Variants in TAF9B observed in about 807,000 individuals in gnomAD.
TAF9B encodes the protein transcription initiation factor TFIID subunit 9B.
A neutral mutation model predicts 17.6 loss-of-function variants in TAF9B; 47 were observed. That is an observed-to-expected ratio of 2.68 (90% CI 2.12 to 3.41). The LOEUF (loss-of-function observed/expected upper bound fraction) is 3.41, where lower values mean the gene tolerates loss of function less well. TAF9B is among the 30% of genes most tolerant of loss of function. The probability of loss-of-function intolerance (pLI) is 0.00; values close to 1 mark genes in which losing one functional copy is unlikely to be tolerated. For missense variants in TAF9B, 218 were observed against 189.3 expected (o/e 1.15, Z -0.89); for synonymous variants, 84 against 68.7 (o/e 1.22, Z -1.10).
intron 6 of TAF9B, among the ~76,000 whole-genome samples, chrX:78,132,055 G>A (rs1394239627): frequency 4.5e-5 from 5 of 111,654 alleles, no homozygotes; most frequent in African/African-American, 1.3e-4. Context: ...CCAAGCTGGC[G>A]TGATCTTGGC....
At chrX:78,136,091 C>CT (rs1251916329) in intron 5 of TAF9B, among the ~76,000 whole-genome samples, 2 of 111,081 alleles carry the variant, frequency 1.8e-5, no homozygotes, top group African/African-American at 6.6e-5. Flanking sequence ...TAAATTAATA[C>CT]TGGTGAAAAG....
chrX:78,136,539 A>G (rs1269436523), intron 5 of TAF9B, among the ~76,000 whole-genome samples: 6 of 112,134 alleles, frequency 5.4e-5, no homozygotes, highest in Non-Finnish European at 1.1e-4. Flanking sequence ...TTTCTACTGT[A>G]TTCTCATCAA....
At position 78,129,873 on chromosome X, in the gene TAF9B, G is replaced by C. The variant is rs1383143377; in HGVS notation, c.*1737C>G. ...CCCTCACAACAGCCCTGTGAGGTAG[G>C]CAGGGTAGGTGTTACTTTCCTACTG... On this transcript the variant is annotated 3_prime_UTR_variant, in exon 7 of 7. Transcript: ENST00000341864. 8.9e-6 allele frequency: 1 copy of C among 112,095 alleles called. No homozygotes were observed. The highest frequency in any genetic ancestry group is 1.9e-5 in the Non-Finnish European group (1 of 53,212). The allele number at this position is 112,095 out of a possible 1,213,427, so 9.2% of individuals were successfully genotyped here. A position where few individuals can be genotyped will look rare whatever the true frequency, so the allele number is the denominator to read the frequency against.
Position 78,130,445 on chromosome X carries a change from G to C in TAF9B, c.*1165C>G, listed in dbSNP as rs1557249297. Reference sequence around the variant, plus strand: ...CTATGCAGAGTGCACATAAATGCAAGTTACATCACATTAATTTGTTTTCTT... The same window carrying C: ...CTATGCAGAGTGCACATAAATGCAACTTACATCACATTAATTTGTTTTCTT... On this transcript the variant is annotated 3_prime_UTR_variant, in exon 7 of 7. Transcript: ENST00000341864. 1 of 112,361 alleles carries C rather than the reference G, an allele frequency of 8.9e-6. No homozygotes were observed. Among genetic ancestry groups the C allele is most frequent in the Non-Finnish European group, 1.9e-5 (1 of 53,291 alleles). 9.3% of individuals were successfully genotyped at this position (112,361 alleles called of 1,213,427 possible).
intron 5 of TAF9B, among the ~76,000 whole-genome samples, chrX:78,134,837 T>C (rs181511269): frequency 4.5e-5 from 5 of 111,986 alleles, no homozygotes; most frequent in Admixed American, 9.5e-5. Flanking sequence ...GGATTGTTAA[T>C]ACATTTTAGT....
chrX:78,138,156 T>C, intron 2 of TAF9B, 58 bp from the exon 3 acceptor site: 3 of 1,078,284 alleles, frequency 2.8e-6, no homozygotes, highest in Middle Eastern at 3.7e-4. Context: ...TATTTATGGC[T>C]ACTTGTCTTA....
Position 78,130,976 on chromosome X carries a change from A to T in TAF9B, c.*634T>A, listed in dbSNP as rs1296319081. ...CTGTATTACCAGGAATAATATTTTT[A>T]AAATTCCAGGTATGGCCTTCTACAT... is the stretch of plus-strand genomic sequence containing the variant. On this transcript the variant is annotated 3_prime_UTR_variant, in exon 7 of 7. Transcript: ENST00000341864. 8.9e-6 allele frequency: 1 copy of T among 111,967 alleles called. No individual in the cohort carries two copies. Among genetic ancestry groups the T allele is most frequent in the African/African-American group, 3.2e-5 (1 of 30,799 alleles). 9.2% of individuals were successfully genotyped at this position (111,967 alleles called of 1,213,427 possible). A position where few individuals can be genotyped will look rare whatever the true frequency, so the allele number is the denominator to read the frequency against.
intron 6 of TAF9B, among the ~76,000 whole-genome samples, chrX:78,133,038 G>A (rs985392112): frequency 7.2e-5 from 8 of 111,444 alleles, no homozygotes; most frequent in Middle Eastern, 4.6e-3. Context: ...ATTTCTTGCC[G>A]TGCCTAATTT....
intron 5 of TAF9B, among the ~76,000 whole-genome samples, chrX:78,134,249 T>C (rs2149140895): frequency 9.0e-6 from 1 of 111,692 alleles, no homozygotes; most frequent in East Asian, 2.8e-4. Context: ...TGAAGTTCCC[T>C]TAACGTCATA....
At chrX:78,132,683 T>TTTACATTTATGTTCTGGA (rs1426560700) in intron 6 of TAF9B, among the ~76,000 whole-genome samples, 57 of 110,310 alleles carry the variant, frequency 5.2e-4, no homozygotes, top group African/African-American at 1.8e-3. Context: ...TTCATTTGAA[T>TTTACATTTATGTTCTGGA]TTACATTTAT....
At chrX:78,137,911 A>C in intron 3 of TAF9B, 28 bp from the exon 4 acceptor site, 1 of 1,197,458 alleles carries the variant, frequency 8.4e-7, no homozygotes, top group Non-Finnish European at 1.1e-6. Context: ...TATTAGAACT[A>C]CAGTTTTAAA....
chrX:78,133,143 G>T (rs782541816), intron 6 of TAF9B, among the ~76,000 whole-genome samples, 195 bp downstream of exon 6: 5 of 111,572 alleles, frequency 4.5e-5, no homozygotes, highest in African/African-American at 1.3e-4. Context: ...CAAGGATAAG[G>T]GGGGAGACTA....
rs377480009 is a variant in TAF9B, at chrX:78,139,501, G to A, written c.51+60C>T. On this transcript the variant is annotated intron_variant, in intron 1 of 6. Coordinates refer to ENST00000341864, the MANE Select transcript of TAF9B (RefSeq NM_015975.5). ...ACCCTCAGGCCCTCAGCGTGGCCCC[G>A]CCTCGCAGGTCCCTGGCTGCACCTG... is the stretch of plus-strand genomic sequence containing the variant. The A allele has an allele frequency of 2.3e-5, 28 of 1,201,658 alleles. No individual in the cohort carries two copies. The African/African-American group carries it at 3.7e-4, about 16-fold the overall frequency.
chrX:78,131,689 A>C lies in TAF9B; in HGVS notation c.677T>G (p.Val226Gly). 1.7e-6 allele frequency: 2 copies of C among 1,210,390 alleles called. No individual in the cohort carries two copies. Among genetic ancestry groups the C allele is most frequent in the Non-Finnish European group, 2.2e-6 (2 of 894,471 alleles). The part of the protein sequence containing the change: ...PKNILITTNM[V>G]SSQNTANEAN... ...TTCATTGGCTGTGTTCTGTGACGAA[A>C]CCATGTTGGTGGTAATAAGAATATT... is the stretch of plus-strand genomic sequence containing the variant. Residue 226 changes from valine to glycine, a missense_variant, in exon 7 of 7, where the codon GTT becomes GGT. By Grantham distance (109) the Val-to-Gly change is moderately radical (BLOSUM62 -3). Transcript: ENST00000341864.
At chrX:78,136,887 A>C in intron 5 of TAF9B, 28 bp downstream of exon 5, 1 of 1,124,591 alleles carries the variant, frequency 8.9e-7, no homozygotes, top group Non-Finnish European at 1.2e-6. Flanking sequence ...TTTACCAGCC[A>C]GAAATGCCAT....
Position 78,130,736 on chromosome X carries a change from A to G in TAF9B, c.*874T>C, listed in dbSNP as rs1208052473. Reference sequence around the variant, plus strand: ...TAGAAATGTGAAACATGGAAGAGTTATCAACTTGGAATACAATACTAAAAC... The same window carrying G: ...TAGAAATGTGAAACATGGAAGAGTTGTCAACTTGGAATACAATACTAAAAC... On this transcript the variant is annotated 3_prime_UTR_variant, in exon 7 of 7. Transcript: ENST00000341864. 1 of 112,644 alleles carries G rather than the reference A, an allele frequency of 8.9e-6. No homozygotes were observed. The highest frequency in any genetic ancestry group is 1.9e-5 in the Non-Finnish European group (1 of 53,341). The allele number at this position is 112,644 out of a possible 1,213,427, so 9.3% of individuals were successfully genotyped here. A position where few individuals can be genotyped will look rare whatever the true frequency, so the allele number is the denominator to read the frequency against.
At position 78,139,182 on chromosome X, in the gene TAF9B, A is replaced by G. The variant is rs367634846; in HGVS notation, c.52-258T>C. 2.7e-5 allele frequency among the ~76,000 whole-genome samples: 3 copies of G among 111,499 alleles called. No homozygotes were observed. The East Asian group carries it at 8.5e-4, about 32-fold the overall frequency. Reference sequence around the variant, plus strand: ...AGAGAAGACAGAATTTGGCTTCTCCAGCAGAGGTAAGTAGCTCCAGCTGGT... The same window carrying G: ...AGAGAAGACAGAATTTGGCTTCTCCGGCAGAGGTAAGTAGCTCCAGCTGGT... On this transcript the variant is annotated intron_variant, in intron 1 of 6. Transcript: ENST00000341864.
In TAF9B at chrX:78,131,723, C is replaced by G; in HGVS notation, c.643G>C (p.Gly215Arg). Residue 215 changes from glycine to arginine, a missense_variant, in exon 7 of 7, where the codon GGG becomes CGG. Physicochemically the swap from Gly to Arg is moderately radical, Grantham distance 125. Transcript: ENST00000341864. ...GTGGTAATAAGAATATTTTTGGGCC[C>G]AATCATTGAAGGATTAATCAGAACA... is the stretch of plus-strand genomic sequence containing the variant. ...QNVLINPSMI[G>R]PKNILITTNM... The G allele has an allele frequency of 8.3e-7, 1 of 1,210,200 alleles. No homozygotes were observed.
rs1203908332 is a variant in TAF9B, at chrX:78,136,121, T to C, written c.481+794A>G. On this transcript the variant is annotated intron_variant, in intron 5 of 6. Coordinates refer to ENST00000341864, the MANE Select transcript of TAF9B (RefSeq NM_015975.5). ...GAAAAGGGACTTTTCTGAAAATACT[T>C]TGAATACTAGACTATGCAAGAAACC... Among the ~76,000 whole-genome samples, 12 of 111,331 alleles carry C rather than the reference T, an allele frequency of 1.1e-4. No homozygotes were observed. In the Admixed American group the frequency reaches 1.1e-3, roughly 11 times the overall value.
Sources: allele counts gnomAD v4.1 joint callset (sites outside exome capture counted in the v4.1 genomes callset), GRCh38; gene constraint gnomAD v4.1.1; transcripts MANE v1.5; gene names NCBI Gene and HGNC (gene_info 2026-07-23, HGNC 2026-07-21).